METTL15: variants seen among roughly 807,000 people sequenced by gnomAD.
METTL15 encodes 12S rRNA N(4)-cytidine methyltransferase METTL15.
METTL15 carries 34 observed loss-of-function variants against 38.3 expected under a neutral mutation model. That is an observed-to-expected ratio of 0.89 (90% CI 0.68 to 1.18). The LOEUF (loss-of-function observed/expected upper bound fraction) is 1.18. Among genes scored for constraint, METTL15 ranks in the 50% most tolerant of loss-of-function variants. The pLI, the probability that METTL15 is intolerant of heterozygous loss-of-function variation, is 0.00. For synonymous variants in METTL15, 162 were observed against 170.9 expected (o/e 0.95, Z 0.41); for missense variants, 438 against 498.4 (o/e 0.88, Z 1.15).
At chr11:28,408,344 A>T (rs182307133) in intron 5 of METTL15, among the ~76,000 whole-genome samples, 13 of 152,200 alleles carry the variant, frequency 8.5e-5, no homozygotes, top group Non-Finnish European at 1.3e-4. Flanking sequence ...AAACAACAAC[A>T]ACAACAACAA....
At chr11:28,218,798 C>G (rs570135203) in intron 4 of METTL15, among the ~76,000 whole-genome samples, 22 of 152,232 alleles carry the variant, frequency 1.4e-4, no homozygotes, top group African/African-American at 5.1e-4. Flanking sequence ...AAGGCCTTTT[C>G]TGCATGTATT....
chr11:28,283,762 G>T (rs1856147774), intron 4 of METTL15, among the ~76,000 whole-genome samples: 1 of 152,164 alleles, frequency 6.6e-6, no homozygotes, highest in African/African-American at 2.4e-5. Context: ...AGTGGGGTTG[G>T]ATTGAGAAAG....
At chr11:28,290,018 G>T (rs1336707048) in intron 4 of METTL15, among the ~76,000 whole-genome samples, 188 bp from the exon 5 acceptor site, 1 of 152,104 alleles carries the variant, frequency 6.6e-6, no homozygotes, top group East Asian at 1.9e-4. Context: ...CATTAAACCA[G>T]CTCTGGTGTT....
chr11:28,127,640 T>C (rs1442859617), intron 3 of METTL15, among the ~76,000 whole-genome samples: 2 of 152,170 alleles, frequency 1.3e-5, no homozygotes, highest in Non-Finnish European at 2.9e-5. Context: ...TTTTATTTCA[T>C]TTAGAAACTT....
Position 28,297,298 on chromosome 11 carries a change from G to A in METTL15, c.778+367G>A, listed in dbSNP as rs80101004. On this transcript the variant is annotated intron_variant, in intron 6 of 6. Transcript: ENST00000407364. ...CAAAAGGATTTCTTGATCCATCGCAGTGGTTGATAAGCACCTGTATAAGAT... is the reference window on the plus strand; with the variant it reads ...CAAAAGGATTTCTTGATCCATCGCAATGGTTGATAAGCACCTGTATAAGAT... 6.8e-3 allele frequency among the ~76,000 whole-genome samples: 1,034 copies of A among 152,242 alleles called. 7 individuals carry two copies. The highest frequency in any genetic ancestry group is 0.023 in the African/African-American group (940 of 41,570).
At chr11:28,174,371 T>C (rs570250410) in intron 3 of METTL15, among the ~76,000 whole-genome samples, 51 of 152,282 alleles carry the variant, frequency 3.3e-4, no homozygotes, top group African/African-American at 1.2e-3. Flanking sequence ...ATAACCAAGG[T>C]TTATCTAATA....
intron 6 of METTL15, among the ~76,000 whole-genome samples, chr11:28,315,205 C>G (rs896768728): frequency 2.0e-5 from 3 of 152,118 alleles, no homozygotes; most frequent in Non-Finnish European, 4.4e-5. Context: ...CTTCCTAGAG[C>G]CTTGCTGAAT....
chr11:28,261,816 T>C (rs1855215465), intron 4 of METTL15, among the ~76,000 whole-genome samples: 1 of 152,228 alleles, frequency 6.6e-6, no homozygotes, highest in South Asian at 2.1e-4. Context: ...TAATAGCTAC[T>C]ATTTACTGAC....
At position 28,457,893 on chromosome 11, in the gene METTL15, A is replaced by G. The variant is rs143275108; in HGVS notation, c.*424+33529A>G. ...AGGATTTGTACTTAGACCTAATATC[A>G]TTTTTAGCTCACAGTTTTTGTGACT... On this transcript the variant is annotated intron_variant and NMD_transcript_variant, in intron 6 of 7. Coordinates refer to the METTL15 transcript ENST00000532947. Among the ~76,000 whole-genome samples, 304 of 152,316 alleles carry G rather than the reference A, an allele frequency of 2.0e-3. 4 individuals carry two copies. The highest frequency in any genetic ancestry group is 6.5e-3 in the African/African-American group (271 of 41,564).
intron 4 of METTL15, among the ~76,000 whole-genome samples, chr11:28,230,322 G>A (rs1021111888): frequency 6.6e-6 from 1 of 151,772 alleles, no homozygotes; most frequent in African/African-American, 2.4e-5. Context: ...TGGCTTAAAA[G>A]TTTCAAAACT....
chr11:28,288,249 G>A (rs770941343), intron 4 of METTL15, among the ~76,000 whole-genome samples: 10 of 152,244 alleles, frequency 6.6e-5, no homozygotes, highest in South Asian at 4.2e-4. Flanking sequence ...GTGGAAGACC[G>A]TGTAATGACT....
Position 28,211,208 on chromosome 11 carries a change from A to T in METTL15, c.407+10A>T, listed in dbSNP as rs1421524890. ...TTTCAGAGTTGTATCCGTAAGTAAT[A>T]CCCTTGCATATTTATTTGATTTTGG... On this transcript the variant is annotated intron_variant, in intron 4 of 6. Coordinates refer to ENST00000407364, the MANE Select transcript of METTL15 (RefSeq NM_001113528.2). 1 of 1,592,884 alleles carries T rather than the reference A, an allele frequency of 6.3e-7. No homozygotes were observed. Among genetic ancestry groups the T allele is most frequent in the African/African-American group, 1.4e-5 (1 of 73,696 alleles).
At chr11:28,320,760 G>A (rs759211896) in intron 6 of METTL15, among the ~76,000 whole-genome samples, 32 of 152,064 alleles carry the variant, frequency 2.1e-4, no homozygotes, top group Admixed American at 3.3e-4. Context: ...CAACCTGGAA[G>A]GTTTAGGCTG....
At chr11:28,489,595 C>T (rs1290883346) in intron 6 of METTL15, among the ~76,000 whole-genome samples, 1 of 151,886 alleles carries the variant, frequency 6.6e-6, no homozygotes, top group Non-Finnish European at 1.5e-5. Flanking sequence ...AGACTGAGTG[C>T]TATGGAAGCC....
intron 6 of METTL15, among the ~76,000 whole-genome samples, chr11:28,430,178 A>G (rs1267477246): frequency 3.3e-5 from 5 of 151,684 alleles, no homozygotes; most frequent in Non-Finnish European, 7.4e-5. Flanking sequence ...CCCGTCTGGG[A>G]AGTGAGGAGC....
At chr11:28,156,096 T>C (rs1215843649) in intron 3 of METTL15, among the ~76,000 whole-genome samples, 5 of 152,212 alleles carry the variant, frequency 3.3e-5, no homozygotes, top group Non-Finnish European at 5.9e-5. Flanking sequence ...TTCCCATGTG[T>C]GTCTAATGTG....
chr11:28,117,217 A>C, intron 3 of METTL15, among the ~76,000 whole-genome samples: 1 of 148,048 alleles, frequency 6.8e-6, no homozygotes, highest in African/African-American at 2.5e-5. Flanking sequence ...ATACATACAT[A>C]TATACACCTA....
chr11:28,146,036 T>G (rs1849871775), intron 3 of METTL15, among the ~76,000 whole-genome samples: 1 of 152,060 alleles, frequency 6.6e-6, no homozygotes, highest in South Asian at 2.1e-4. Context: ...GTTATATTAT[T>G]TATATCCTCT....
intron 4 of METTL15, among the ~76,000 whole-genome samples, chr11:28,218,137 A>G (rs1852994085): frequency 6.6e-6 from 1 of 152,116 alleles, no homozygotes; most frequent in South Asian, 2.1e-4. Context: ...GAATCTATAA[A>G]TTACCTTGGA....
Sources: allele counts gnomAD v4.1 joint callset (sites outside exome capture counted in the v4.1 genomes callset), GRCh38; gene constraint gnomAD v4.1.1; transcripts MANE v1.5; gene names NCBI Gene and HGNC (gene_info 2026-07-23, HGNC 2026-07-21).